NEB: variants seen among roughly 807,000 people sequenced by gnomAD.
NEB encodes the protein nebulin.
Under a neutral mutation model 952.2 loss-of-function variants are expected in NEB, and 512 were observed. The observed-to-expected ratio is 0.54, with a 90% CI of 0.50 to 0.58. The LOEUF (loss-of-function observed/expected upper bound fraction) is 0.58, where lower values mean the gene tolerates loss of function less well. Among genes scored for constraint, NEB ranks in the 20% least tolerant of loss-of-function variants. NEB has a pLI of 0.00. For missense variants in NEB, 8,428 were observed against 9,231.1 expected (o/e 0.91, Z 3.56); for synonymous variants, 2,900 against 3,149.8 (o/e 0.92, Z 2.66).
chr2:151,718,680 AC>A (rs1204736599), intron 9 of NEB, among the ~76,000 whole-genome samples: 2 of 152,042 alleles, frequency 1.3e-5, no homozygotes, highest in Non-Finnish European at 2.9e-5. Flanking sequence ...ATCCTTTTGC[AC>A]CCAGCTCTCT....
Position 151,631,178 on chromosome 2 carries a change from C to T in NEB, c.9583G>A (p.Val3195Met). 1 of 1,613,954 alleles carries T rather than the reference C, an allele frequency of 6.2e-7. No individual in the cohort carries two copies. The highest frequency in any genetic ancestry group is 8.5e-7 in the Non-Finnish European group (1 of 1,179,838). Residue 3195 changes from valine (V) to methionine (M), a missense_variant, in exon 66 of 182, where the codon GTG becomes ATG. Transcript: ENST00000397345. ...TTGAGAGCATTGTTCTTGGCCAGCA[C>T]CTGCTCTAGAGAATCAGTCACACTG... ...FTSVTDSLEQ[V>M]LAKNNALNMN...
rs569966533 is a variant in NEB at position 151,636,924 on chromosome 2, T to C, written c.8995-590A>G. Reference sequence around the variant, plus strand: ...ATTTTAGTTAAAACAATAAATCCAGTTTAAAAATTACAGGAAAAATTAAGC... The same window carrying C: ...ATTTTAGTTAAAACAATAAATCCAGCTTAAAAATTACAGGAAAAATTAAGC... On this transcript the variant is annotated intron_variant, in intron 63 of 181. Transcript: ENST00000397345. Among the ~76,000 whole-genome samples the C allele has an allele frequency of 3.3e-5, 5 of 152,280 alleles. No individual in the cohort carries two copies. In the South Asian group the frequency reaches 1.0e-3, roughly 32 times the overall value.
chr2:151,663,796 C>T lies in NEB; in HGVS notation c.5515G>A (p.Asp1839Asn), dbSNP rs2099172820. Residue 1839 changes from aspartate to asparagine, a missense_variant, in exon 45 of 182, where the codon GAT (aspartate) becomes AAT (asparagine). Around this residue, in one of 11 missense-constraint regions of NEB, gnomAD observed 2,851 missense variants for 2,791.5 expected, o/e 1.02. Coordinates refer to ENST00000397345, the MANE Select transcript of NEB (RefSeq NM_001164508.2). ...GKHIGFRSLE[D>N]DPKLVHFMQV... The stretch of plus-strand genomic sequence containing the variant: ...ATGAAGTGCACCAGCTTGGGGTCAT[C>T]TTCCAGGCTCCGGAAGCCAATGTGT... 1 of 1,613,830 alleles carries T rather than the reference C, an allele frequency of 6.2e-7. No individual in the cohort carries two copies. Among genetic ancestry groups the T allele is most frequent in the Non-Finnish European group, 8.5e-7 (1 of 1,179,774 alleles).
rs1012898236 is a variant in NEB, at chr2:151,698,247, A to G, written c.1153-599T>C. Among the ~76,000 whole-genome samples the G allele has an allele frequency of 2.6e-5, 4 of 152,308 alleles. No homozygotes were observed. In the East Asian group the frequency reaches 7.7e-4, roughly 29 times the overall value. On this transcript the variant is annotated intron_variant, in intron 13 of 181. Coordinates refer to ENST00000397345, the MANE Select transcript of NEB (RefSeq NM_001164508.2). Reference sequence around the variant, plus strand: ...TTTGTAACAGCTTTATTGAGATTTAATGCATATACCACACAATTCACCAAT... The same window carrying G: ...TTTGTAACAGCTTTATTGAGATTTAGTGCATATACCACACAATTCACCAAT...
At chr2:151,503,971 A>ATCTT (rs1340879182) in intron 165 of NEB, among the ~76,000 whole-genome samples, 1 of 152,186 alleles carries the variant, frequency 6.6e-6, no homozygotes, top group Non-Finnish European at 1.5e-5. Flanking sequence ...CAGGAAGAGC[A>ATCTT]TCTTTACCTG....
At chr2:151,559,542 A>C (rs570882479) in intron 124 of NEB, among the ~76,000 whole-genome samples, 3 of 152,346 alleles carry the variant, frequency 2.0e-5, no homozygotes, top group African/African-American at 7.2e-5. Context: ...GAACCAACCC[A>C]AATGCCCATC....
chr2:151,709,593 C>T lies in NEB; in HGVS notation c.1035+63G>A. ...TTTTTTACTAATTATATACAAGAGC[C>T]AAAGTTATAAGAAATTTACCCACAC... On this transcript the variant is annotated intron_variant, in intron 12 of 181. Coordinates refer to ENST00000397345, the MANE Select transcript of NEB (RefSeq NM_001164508.2). 3 of 1,328,062 alleles carry T rather than the reference C, an allele frequency of 2.3e-6. No individual in the cohort carries two copies. In the South Asian group the frequency reaches 3.9e-5, roughly 17 times the overall value. The allele number at this position is 1,328,062 out of a possible 1,614,324, so 82.3% of individuals were successfully genotyped here.
At chr2:151,557,374 T>C (rs2095723292) in intron 124 of NEB, among the ~76,000 whole-genome samples, 1 of 152,128 alleles carries the variant, frequency 6.6e-6, no homozygotes, top group Non-Finnish European at 1.5e-5. Context: ...AGGCAGTAAT[T>C]AATAGCCTCC....
intron 146 of NEB, among the ~76,000 whole-genome samples, chr2:151,528,556 CTT>C (rs1451760478): frequency 1.3e-5 from 2 of 152,200 alleles, no homozygotes; most frequent in Non-Finnish European, 2.9e-5. Context: ...CGTACAAGCT[CTT>C]TGCCAGCTCC....
chr2:151,499,965 T>TA (rs1277002758), intron 168 of NEB, among the ~76,000 whole-genome samples: 1 of 152,142 alleles, frequency 6.6e-6, no homozygotes, highest in African/African-American at 2.4e-5. Flanking sequence ...ATGGTTACTT[T>TA]AAAAAAAGTC....
chr2:151,529,280 G>A lies in NEB; in HGVS notation c.21665C>T (p.Ser7222Phe), dbSNP rs368952983. 6.2e-7 allele frequency: 1 copy of A among 1,613,406 alleles called. No individual in the cohort carries two copies. Among genetic ancestry groups the A allele is most frequent in the Non-Finnish European group, 8.5e-7 (1 of 1,179,388 alleles). ...KYKEVYQRNK[S>F]NCTIEPDAVH... ...AGCATCTGGCTCAATGGTGCAGTTG[G>A]ATTTATTTCTTTGGTATACTTCTTT... Residue 7222 changes from serine to phenylalanine, a missense_variant, in exon 146 of 182, where the codon TCC (serine) becomes TTC (phenylalanine). Coordinates refer to ENST00000397345, the MANE Select transcript of NEB (RefSeq NM_001164508.2).
At chr2:151,683,482 T>C (rs141430270) in intron 28 of NEB, among the ~76,000 whole-genome samples, 540 of 152,318 alleles carry the variant, frequency 3.5e-3, no homozygotes, top group Middle Eastern at 6.8e-3. Flanking sequence ...GCATTTTAAG[T>C]AGAATGGAAA....
chr2:151,709,755 G>A lies in NEB; in HGVS notation c.936C>T (p.Tyr312=). Reference sequence around the variant, plus strand: ...CTTTCATGTTTTCAAAATCTTCCTGGTATTTCCTCTGTAAGACATCAGACA... The same window carrying A: ...CTTTCATGTTTTCAAAATCTTCCTGATATTTCCTCTGTAAGACATCAGACA... ...MNADNISTRK[Y]QEDFENMKDQ... Residue 312 remains tyrosine, a synonymous_variant, in exon 12 of 182, where the codon TAC becomes TAT. Coordinates refer to ENST00000397345, the MANE Select transcript of NEB (RefSeq NM_001164508.2). 1.3e-6 allele frequency: 2 copies of A among 1,594,698 alleles called. No homozygotes were observed. Among genetic ancestry groups the A allele is most frequent in the Non-Finnish European group, 1.7e-6 (2 of 1,168,638 alleles).
At chr2:151,665,624 G>T in intron 41 of NEB, 85 bp from the exon 42 acceptor site, 1 of 1,186,108 alleles carries the variant, frequency 8.4e-7, no homozygotes, top group Non-Finnish European at 1.1e-6. Flanking sequence ...CAATCAAAAA[G>T]AAAAAGAGAA....
chr2:151,627,018 G>C lies in NEB; in HGVS notation c.10331C>G (p.Ala3444Gly). The change falls in exon 70 of 182, where the codon GCT (alanine) becomes GGT (glycine). Residue 3444 changes from alanine to glycine, a missense_variant. Physicochemically the swap from Ala to Gly is moderately conservative, Grantham distance 60 (BLOSUM62 0). Coordinates refer to ENST00000397345, the MANE Select transcript of NEB (RefSeq NM_001164508.2). ...GGGGCTCACCTTGTTCATATTGAGA[G>C]CATTGTTCTTGGCCAGCACCTGCTC... is the stretch of plus-strand genomic sequence containing the variant. ...SLEQVLAKNN[A>G]LNMNKRLYTE... 6.2e-7 allele frequency: 1 copy of C among 1,613,896 alleles called. No individual in the cohort carries two copies. Among genetic ancestry groups the C allele is most frequent in the South Asian group, 1.1e-5 (1 of 91,068 alleles).
At chr2:151,651,717 A>G (rs1037166504) in intron 52 of NEB, among the ~76,000 whole-genome samples, 2 of 152,226 alleles carry the variant, frequency 1.3e-5, no homozygotes, top group African/African-American at 4.8e-5. Flanking sequence ...GAGTATACTA[A>G]CAGCATTTAC....
At chr2:151,575,921 T>C in intron 106 of NEB, 122 bp from the exon 107 acceptor site, 1 of 811,186 alleles carries the variant, frequency 1.2e-6, no homozygotes, top group Non-Finnish European at 2.0e-6. Context: ...GGGCAAAGAT[T>C]TCTGGAATCT....
At position 151,696,727 on chromosome 2, in the gene NEB, G is replaced by A. The variant is rs2099599226; in HGVS notation, c.1479C>T (p.Tyr493=). 3 of 1,613,522 alleles carry A rather than the reference G, an allele frequency of 1.9e-6. No individual in the cohort carries two copies. Among genetic ancestry groups the A allele is most frequent in the Non-Finnish European group, 2.5e-6 (3 of 1,179,620 alleles). Residue 493 remains tyrosine, a synonymous_variant, in exon 17 of 182, where the codon TAC becomes TAT. Coordinates refer to ENST00000397345, the MANE Select transcript of NEB (RefSeq NM_001164508.2). ...KKLDQCKDHT[Y]KVHPDKTKFT... ...ATTTTGTCTTATCTGGATGGACTTT[G>A]TAGGTGTGCTGTGGGGAAGCAAAGG... is the stretch of plus-strand genomic sequence containing the variant.
intron 13 of NEB, among the ~76,000 whole-genome samples, chr2:151,704,851 A>T: frequency 6.6e-6 from 1 of 152,190 alleles, no homozygotes; most frequent in East Asian, 1.9e-4. Flanking sequence ...GGAGCTGTAG[A>T]CCGGAGCTGT....
Sources: gnomAD v4.1 joint callset for allele counts (sites outside exome capture counted in the v4.1 genomes callset) on GRCh38, gnomAD v4.1.1 for gene constraint, gnomAD v4.1.1 regional missense constraint, MANE v1.5 for transcripts, NCBI Gene and HGNC (gene_info 2026-07-23, HGNC 2026-07-21) for gene names.